PAK3: variants seen among roughly 807,000 people sequenced by gnomAD.
PAK3 encodes serine/threonine-protein kinase PAK 3.
PAK3 carries 4 observed loss-of-function variants against 41.0 expected under a neutral mutation model. The ratio of observed to expected loss-of-function variants is 0.10; its 90% confidence interval spans 0.05 to 0.22. The LOEUF (loss-of-function observed/expected upper bound fraction) is 0.22, where lower values mean the gene tolerates loss of function less well. Among genes scored for constraint, PAK3 ranks in the 10% least tolerant of loss-of-function variants. The probability of loss-of-function intolerance (pLI) is 1.00; values close to 1 mark genes in which losing one functional copy is unlikely to be tolerated. For synonymous variants in PAK3, 146 were observed against 139.6 expected, an observed-to-expected ratio of 1.05 and a Z score of -0.32; for missense variants, 205 against 409.9, an observed-to-expected ratio of 0.50 and a Z score of 4.32.
At chrX:110,982,813 A>G (rs1002513301) in intron 1 of PAK3, among the ~76,000 whole-genome samples, 1 of 110,965 alleles carries the variant, frequency 9.0e-6, no homozygotes, top group South Asian at 4.0e-4. Context: ...GCAGACCCCA[A>G]AGACTCATCT....
chrX:111,049,421 A>T (rs886110181), intron 1 of PAK3, among the ~76,000 whole-genome samples: 7 of 112,423 alleles, frequency 6.2e-5, no homozygotes, highest in Admixed American at 5.7e-4. Flanking sequence ...TGCCTGGAAC[A>T]GTGCCTGGTA....
In PAK3 at chrX:111,001,931, T is replaced by TA. The variant is rs79071535; in HGVS notation, c.-28+57316dup. 4.9e-3 allele frequency among the ~76,000 whole-genome samples: 494 copies of TA among 100,193 alleles called. 3 individuals are homozygous for TA. Among genetic ancestry groups the TA allele is most frequent in the African/African-American group, 0.015 (422 of 27,572 alleles). The allele number at this position is 100,193 out of a possible 115,157, so 87.0% of individuals were successfully genotyped here. On this transcript the variant is annotated intron_variant, in intron 1 of 14. Transcript: ENST00000425146. ...TTTGACCAGTCCACACAAGAGTGCTTAAAAAAAAAAAAAGATTGTATGAGA... is the reference window on the plus strand; with the variant it reads ...TTTGACCAGTCCACACAAGAGTGCTTAAAAAAAAAAAAAAGATTGTATGAGA...
chrX:111,065,231 T>A (rs1352718314), intron 1 of PAK3, among the ~76,000 whole-genome samples: 1 of 111,500 alleles, frequency 9.0e-6, no homozygotes, highest in Admixed American at 9.5e-5. Context: ...GTATGTTCCT[T>A]TAATGCCTAG....
chrX:111,012,027 C>A (rs2092018433), intron 1 of PAK3, among the ~76,000 whole-genome samples: 2 of 111,749 alleles, frequency 1.8e-5, no homozygotes, highest in African/African-American at 6.5e-5. Context: ...TTCTCAGAGA[C>A]TTTTTGTCTG....
chrX:110,984,773 C>G (rs1042996928), intron 1 of PAK3, among the ~76,000 whole-genome samples: 2 of 110,695 alleles, frequency 1.8e-5, no homozygotes, highest in East Asian at 5.7e-4. Flanking sequence ...GCCTTACGCC[C>G]CCCCGCCCCC....
At chrX:111,161,723 A>T (rs1244661996) in intron 8 of PAK3, among the ~76,000 whole-genome samples, 3 of 105,987 alleles carry the variant, frequency 2.8e-5, no homozygotes, top group Non-Finnish European at 5.7e-5. Flanking sequence ...TTAAATAGGG[A>T]ATCCTTTCCC....
intron 1 of PAK3, among the ~76,000 whole-genome samples, chrX:110,955,303 G>T (rs1268343520): frequency 8.9e-6 from 1 of 112,062 alleles, no homozygotes; most frequent in Non-Finnish European, 1.9e-5. Flanking sequence ...CACAAAAACA[G>T]ACCATTTGTT....
intron 1 of PAK3, among the ~76,000 whole-genome samples, chrX:111,003,672 T>C (rs1470088531): frequency 9.0e-6 from 1 of 111,666 alleles, no homozygotes; most frequent in East Asian, 2.8e-4. Context: ...GGAATACATT[T>C]TAGCTGTGGG....
intron 1 of PAK3, among the ~76,000 whole-genome samples, chrX:111,009,496 C>T (rs199625856): frequency 9.1e-6 from 1 of 110,274 alleles, no homozygotes; most frequent in African/African-American, 3.3e-5. Context: ...CCTTAGTCTT[C>T]GTGGCCCCAG....
At chrX:111,143,778 C>T (rs1003956860) in intron 6 of PAK3, among the ~76,000 whole-genome samples, 1 of 111,805 alleles carries the variant, frequency 8.9e-6, no homozygotes, top group Non-Finnish European at 1.9e-5. Context: ...TGCCTAATAA[C>T]TCTTCCCTTT....
At chrX:111,169,243 G>A (rs1434465967) in intron 10 of PAK3, 3 of 249,358 alleles carry the variant, frequency 1.2e-5, no homozygotes, top group East Asian at 2.5e-4. Context: ...ACACACAAAG[G>A]AACCTATGCA....
intron 10 of PAK3, among the ~76,000 whole-genome samples, chrX:111,164,541 G>T (rs1015431037): frequency 9.0e-6 from 1 of 110,862 alleles, no homozygotes; most frequent in Non-Finnish European, 1.9e-5. Context: ...ACTTTTACTG[G>T]AGCAAATATC....
intron 16 of PAK3, among the ~76,000 whole-genome samples, chrX:111,209,559 A>T (rs2094796393): frequency 8.9e-6 from 1 of 111,905 alleles, no homozygotes; most frequent in Non-Finnish European, 1.9e-5. Context: ...CATGTATCAT[A>T]TGATTTCCAT....
intron 4 of PAK3, among the ~76,000 whole-genome samples, chrX:111,103,647 TCTC>T (rs959298078): frequency 1.8e-5 from 2 of 111,796 alleles, no homozygotes; most frequent in Admixed American, 9.4e-5. Context: ...CATTTTCTTT[TCTC>T]CTCCTTTCCT....
At chrX:111,086,401 G>A (rs143659389) in intron 1 of PAK3, among the ~76,000 whole-genome samples, 2,314 of 111,116 alleles carry the variant, frequency 0.021, 57 homozygotes, top group African/African-American at 0.071. Context: ...AATTTCAACC[G>A]GAGTGTAGGG....
rs142631879 is a variant in PAK3, at chrX:111,010,020, G to A, written c.-28+65392G>A. Reference sequence around the variant, plus strand: ...AAATATTCATTTGCAACCACAGACAGTAGCTTCCTTCATCCACTGCTAGAC... The same window carrying A: ...AAATATTCATTTGCAACCACAGACAATAGCTTCCTTCATCCACTGCTAGAC... On this transcript the variant is annotated intron_variant, in intron 1 of 14. Coordinates refer to the PAK3 transcript ENST00000425146. Among the ~76,000 whole-genome samples, 976 of 111,825 alleles carry A rather than the reference G, an allele frequency of 8.7e-3. 7 individuals are homozygous for A. The highest frequency in any genetic ancestry group is 0.029 in the African/African-American group (906 of 30,800).
At chrX:111,151,876 T>C (rs757750825) in intron 7 of PAK3, among the ~76,000 whole-genome samples, 1 of 111,954 alleles carries the variant, frequency 8.9e-6, no homozygotes, top group Non-Finnish European at 1.9e-5. Flanking sequence ...ATTAAGTGAC[T>C]AATAGGCTGG....
At chrX:111,023,306 G>A (rs1190804955) in intron 1 of PAK3, among the ~76,000 whole-genome samples, 2 of 112,103 alleles carry the variant, frequency 1.8e-5, no homozygotes, top group Non-Finnish European at 3.8e-5. Context: ...GGGCATTTGA[G>A]TTGGTTCCAA....
intron 1 of PAK3, among the ~76,000 whole-genome samples, chrX:111,032,726 T>G (rs1164609589): frequency 9.0e-6 from 1 of 111,198 alleles, no homozygotes; most frequent in Admixed American, 9.6e-5. Context: ...TCCTGATTAC[T>G]GAAGTGAAGG....
Sources: gnomAD v4.1 joint callset for allele counts (sites outside exome capture counted in the v4.1 genomes callset) on GRCh38, gnomAD v4.1.1 for gene constraint, MANE v1.5 for transcripts, NCBI Gene and HGNC (gene_info 2026-07-23, HGNC 2026-07-21) for gene names.